The following ESR1 variants were observed in gnomAD, a reference collection of about 807,000 sequenced individuals.
ESR1 encodes the protein estrogen receptor.
Under a neutral mutation model 52.7 loss-of-function variants are expected in ESR1, and 12 were observed. That is an observed-to-expected ratio of 0.23 (90% CI 0.15 to 0.37). ESR1 has a LOEUF of 0.37. Among genes scored for constraint, ESR1 ranks in the 10% least tolerant of loss-of-function variants. ESR1 has a pLI of 1.00. For synonymous variants in ESR1, 305 were observed against 316.8 expected, an observed-to-expected ratio of 0.96 and a Z score of 0.39; for missense variants, 584 against 779.7, an observed-to-expected ratio of 0.75 and a Z score of 2.99.
chr6:152,095,617 G>A (rs1039924502), intron 7 of ESR1, among the ~76,000 whole-genome samples: 6 of 152,212 alleles, frequency 3.9e-5, no homozygotes, highest in Non-Finnish European at 7.3e-5. Flanking sequence ...GGCCAAGCAA[G>A]CATGTGGGGT....
chr6:151,854,672 C>T (rs1423254231), intron 2 of ESR1, among the ~76,000 whole-genome samples: 3 of 152,018 alleles, frequency 2.0e-5, no homozygotes, highest in Non-Finnish European at 4.4e-5. Context: ...TAGAGAATTT[C>T]TAAATTAGCA....
intron 2 of ESR1, among the ~76,000 whole-genome samples, chr6:151,779,895 G>A (rs1387367523): frequency 6.9e-5 from 7 of 102,152 alleles, no homozygotes; most frequent in South Asian, 3.0e-4. Context: ...GCGAGACTCC[G>A]TCTCAAAAAA....
intron 3 of ESR1, among the ~76,000 whole-genome samples, chr6:151,908,171 A>G (rs1797734502): frequency 6.6e-6 from 1 of 152,106 alleles, no homozygotes; most frequent in African/African-American, 2.4e-5. Flanking sequence ...TGATATTCTT[A>G]TATAGGTTTA....
At chr6:151,746,907 T>C (rs1002000422) in intron 2 of ESR1, among the ~76,000 whole-genome samples, 1 of 152,186 alleles carries the variant, frequency 6.6e-6, no homozygotes, top group Non-Finnish European at 1.5e-5. Flanking sequence ...CGGTTAATAA[T>C]GGATTGTGGT....
intron 2 of ESR1, among the ~76,000 whole-genome samples, chr6:151,702,776 A>G (rs1779894174): frequency 6.6e-6 from 1 of 152,210 alleles, no homozygotes; most frequent in Admixed American, 6.5e-5. Context: ...TCCTCCATAG[A>G]ACATTTTAAA....
intron 3 of ESR1, among the ~76,000 whole-genome samples, chr6:151,935,450 G>A (rs2034246615): frequency 6.6e-6 from 1 of 152,150 alleles, no homozygotes; most frequent in African/African-American, 2.4e-5. Context: ...CTCCTGGACT[G>A]CAGATCTACC....
chr6:151,811,669 T>G (rs1345043741), intron 1 of ESR1, among the ~76,000 whole-genome samples: 2 of 152,202 alleles, frequency 1.3e-5, no homozygotes, highest in Non-Finnish European at 2.9e-5. Context: ...GTTTCAAGTT[T>G]CCGATACATT....
At chr6:151,757,917 C>G (rs1784404247) in intron 2 of ESR1, among the ~76,000 whole-genome samples, 1 of 152,150 alleles carries the variant, frequency 6.6e-6, no homozygotes, top group Admixed American at 6.5e-5. Context: ...GAGTGTGCTT[C>G]TAAACAGAGG....
At chr6:151,741,981 C>T (rs1010978064) in intron 2 of ESR1, among the ~76,000 whole-genome samples, 1 of 152,068 alleles carries the variant, frequency 6.6e-6, no homozygotes, top group East Asian at 1.9e-4. Context: ...GTTCTATTTC[C>T]GTATATTTGA....
upstream of ESR1, among the ~76,000 whole-genome samples, chr6:151,800,845 G>C (rs1777167604): frequency 6.6e-6 from 1 of 152,168 alleles, no homozygotes; most frequent in Admixed American, 6.5e-5. Flanking sequence ...GAGCAGGTTG[G>C]GAGAAGGGAG....
At chr6:151,692,293 G>A (rs1370825424) in intron 1 of ESR1, among the ~76,000 whole-genome samples, 1 of 152,140 alleles carries the variant, frequency 6.6e-6, no homozygotes, top group Non-Finnish European at 1.5e-5. Context: ...TTTACATCAG[G>A]CATCTGCTAA....
rs146975919 is a variant in ESR1 at position 151,963,297 on chromosome 6, A to G, written c.1096+18789A>G. Among the ~76,000 whole-genome samples the G allele has an allele frequency of 9.3e-3, 1,409 of 152,260 alleles. 16 individuals are homozygous for G. The highest frequency in any genetic ancestry group is 0.032 in the African/African-American group (1,328 of 41,522). ...ATTTCTCCAGATCTATAATTTTTCAATCTCTTTCCAGGGGGTAAAAGCCTG... is the reference window on the plus strand; with the variant it reads ...ATTTCTCCAGATCTATAATTTTTCAGTCTCTTTCCAGGGGGTAAAAGCCTG... On this transcript the variant is annotated intron_variant, in intron 4 of 7. Coordinates refer to ENST00000206249, the MANE Select transcript of ESR1 (RefSeq NM_000125.4).
intron 2 of ESR1, among the ~76,000 whole-genome samples, chr6:151,861,250 C>A (rs1283494939): frequency 6.6e-6 from 1 of 151,988 alleles, no homozygotes; most frequent in African/African-American, 2.4e-5. Flanking sequence ...TCCAAACAAG[C>A]CAAGCATTTT....
chr6:152,007,913 T>C (rs1330753241), intron 4 of ESR1, among the ~76,000 whole-genome samples: 2 of 152,128 alleles, frequency 1.3e-5, no homozygotes, highest in African/African-American at 4.8e-5. Flanking sequence ...TGAATGCCTC[T>C]AAATTATTAT....
chr6:151,890,836 A>T (rs534753386), intron 3 of ESR1, among the ~76,000 whole-genome samples: 1 of 152,274 alleles, frequency 6.6e-6, no homozygotes, highest in South Asian at 2.1e-4. Flanking sequence ...TTTTCATAGA[A>T]TGCCTTTTTT....
At chr6:151,951,301 A>G (rs1164940439) in intron 4 of ESR1, among the ~76,000 whole-genome samples, 1 of 152,134 alleles carries the variant, frequency 6.6e-6, no homozygotes, top group African/African-American at 2.4e-5. Flanking sequence ...ACAGCCTCCT[A>G]CAGAAGTATT....
intron 1 of ESR1, among the ~76,000 whole-genome samples, chr6:151,698,753 T>G (rs1342259491): frequency 6.6e-6 from 1 of 152,172 alleles, no homozygotes; most frequent in Non-Finnish European, 1.5e-5. Context: ...ACAGTAAATC[T>G]CAAATGATGA....
intron 2 of ESR1, among the ~76,000 whole-genome samples, chr6:151,753,282 A>G (rs538158743): frequency 6.6e-6 from 1 of 152,196 alleles, no homozygotes; most frequent in Admixed American, 6.5e-5. Context: ...AATTTATGCA[A>G]ATAGGAAGTT....
intron 1 of ESR1, among the ~76,000 whole-genome samples, chr6:151,679,092 A>G (rs1778362452): frequency 1.3e-5 from 2 of 152,222 alleles, no homozygotes; most frequent in South Asian, 4.1e-4. Context: ...GTTGAACTCC[A>G]GGAACATGAA....
Sources: gnomAD v4.1 joint callset for allele counts (sites outside exome capture counted in the v4.1 genomes callset) on GRCh38, gnomAD v4.1.1 for gene constraint, MANE v1.5 for transcripts, NCBI Gene and HGNC (gene_info 2026-07-23, HGNC 2026-07-21) for gene names.